The following GSE1 variants were observed in gnomAD, a reference collection of about 807,000 sequenced individuals.
GSE1 encodes the protein genetic suppressor element 1.
In GSE1, 32 loss-of-function variants were observed where a neutral mutation model predicts 112.6. That is an observed-to-expected ratio of 0.28 (90% CI 0.21 to 0.38). The LOEUF is 0.38. GSE1 is among the 10% of genes least tolerant of loss of function. The probability of loss-of-function intolerance (pLI) is 1.00; values close to 1 mark genes in which losing one functional copy is unlikely to be tolerated. For synonymous variants in GSE1, 1,115 were observed against 735.6 expected (o/e 1.52, Z -8.35); for missense variants, 2,348 against 1,699.2 (o/e 1.38, Z -6.71).
At chr16:85,334,284 T>A (rs1312665086) in intron 1 of GSE1, among the ~76,000 whole-genome samples, 1 of 152,244 alleles carries the variant, frequency 6.6e-6, no homozygotes, top group Non-Finnish European at 1.5e-5. Context: ...CTGGTGGCCC[T>A]GGGCCTCACT....
intron 2 of GSE1, among the ~76,000 whole-genome samples, chr16:85,386,502 A>G (rs550827724): frequency 1.3e-5 from 2 of 152,320 alleles, no homozygotes; most frequent in Admixed American, 6.5e-5. Flanking sequence ...TTGGGCACCT[A>G]CTGCCTCAGA....
At position 85,648,604 on chromosome 16, in the gene GSE1, C is replaced by T; in HGVS notation, c.279C>T (p.His93=). The T allele has an allele frequency of 6.2e-7, 1 of 1,605,816 alleles. No individual in the cohort carries two copies. The highest frequency in any genetic ancestry group is 8.5e-7 in the Non-Finnish European group (1 of 1,176,084). The change falls in exon 3 of 16, where the codon CAC becomes CAT. Residue 93 remains histidine (H), a synonymous_variant. Transcript: ENST00000253458. The stretch of plus-strand genomic sequence containing the variant: ...CCGTGTCCTCTCCGGCCACCAACCA[C>T]AGCTCCCCCGCCAGCACACCCAAGC... ...SSPVSSPATN[H]SSPASTPKRV...
intron 2 of GSE1, among the ~76,000 whole-genome samples, chr16:85,536,413 C>G (rs1420338289): frequency 6.6e-6 from 1 of 152,222 alleles, no homozygotes; most frequent in Non-Finnish European, 1.5e-5. Context: ...CAAGCAGCCT[C>G]TAGTTCCCAG....
rs115809371 is a variant in GSE1 at position 85,491,538 on chromosome 16, G to A, written c.2464+133895G>A. On this transcript the variant is annotated intron_variant, in intron 2 of 2. Transcript: ENST00000637419. ...GCTCAGAAGCTGCCCTCTGGCAGGG[G>A]TGCTGGGGCGCAGGGAGGCCTGGCC... is the stretch of plus-strand genomic sequence containing the variant. Among the ~76,000 whole-genome samples, 459 of 152,334 alleles carry A rather than the reference G, an allele frequency of 3.0e-3. 1 individual carries two copies. The highest frequency in any genetic ancestry group is 0.011 in the African/African-American group (439 of 41,578).
chr16:85,381,144 T>C (rs1469509594), intron 2 of GSE1, among the ~76,000 whole-genome samples: 2 of 152,158 alleles, frequency 1.3e-5, no homozygotes, highest in East Asian at 1.9e-4. Context: ...CAACCATCGA[T>C]CTACTTTCTG....
chr16:85,260,530 C>T (rs941004526), intron 1 of GSE1, among the ~76,000 whole-genome samples: 2 of 151,984 alleles, frequency 1.3e-5, no homozygotes, highest in East Asian at 1.9e-4. Flanking sequence ...ACTATGTTGG[C>T]CAGGCTAGTC....
In GSE1 at chr16:85,581,284, C is replaced by T. The variant is rs985713300; in HGVS notation, c.37+24921C>T. Among the ~76,000 whole-genome samples the T allele has an allele frequency of 2.0e-5, 3 of 152,162 alleles. No individual in the cohort carries two copies. In the East Asian group the frequency reaches 5.8e-4, roughly 29 times the overall value. On this transcript the variant is annotated intron_variant, in intron 1 of 2. Transcript: ENST00000635906. ...CTGCCCCATGCCCCCTGCCCCTTAC[C>T]CACCACCCAGGAAATGAGGAAGGTT...
chr16:85,463,037 C>T (rs973653508), intron 2 of GSE1: 30 of 951,008 alleles, frequency 3.2e-5, no homozygotes, highest in Non-Finnish European at 3.6e-5. Flanking sequence ...TGCTGGGCAG[C>T]CCCTCCTAGA....
At chr16:85,636,362 G>A (rs1395968013) in intron 2 of GSE1, among the ~76,000 whole-genome samples, 2 of 152,188 alleles carry the variant, frequency 1.3e-5, no homozygotes, top group African/African-American at 4.8e-5. Flanking sequence ...TTTGGGTCCT[G>A]GAACGCCCTC....
intron 2 of GSE1, among the ~76,000 whole-genome samples, chr16:85,424,153 T>C (rs1567475246): frequency 6.6e-6 from 1 of 152,250 alleles, no homozygotes; most frequent in African/African-American, 2.4e-5. Flanking sequence ...CTTGTCCTCC[T>C]AATAATGACA....
chr16:85,654,931 C>T lies in GSE1; in HGVS notation c.737C>T (p.Ala246Val), dbSNP rs746417869. Residue 246 changes from alanine (A) to valine (V), a missense_variant, in exon 5 of 16, where the codon GCT becomes GTT. By Grantham distance (64) the Ala-to-Val change is moderately conservative (BLOSUM62 0). Coordinates refer to ENST00000253458, the MANE Select transcript of GSE1 (RefSeq NM_014615.5). ...LPPLGLDPAT[A>V]AAYYHPSYLA... ...CCCCTCGGCCTGGACCCGGCCACTG[C>T]TGCAGCCTACTACCACCCCAGCTAC... 1.2e-6 allele frequency: 2 copies of T among 1,611,080 alleles called. No homozygotes were observed. The highest frequency in any genetic ancestry group is 1.7e-5 in the Admixed American group (1 of 59,974).
intron 1 of GSE1, among the ~76,000 whole-genome samples, chr16:85,299,560 A>G (rs1382846578): frequency 6.6e-6 from 1 of 152,258 alleles, no homozygotes; most frequent in Non-Finnish European, 1.5e-5. Flanking sequence ...ATTCAAGCCC[A>G]GCATGTCACA....
At chr16:85,459,233 C>T (rs191503975) in intron 2 of GSE1, among the ~76,000 whole-genome samples, 13 of 152,368 alleles carry the variant, frequency 8.5e-5, no homozygotes, top group Non-Finnish European at 1.6e-4. Flanking sequence ...CCCAGGCACC[C>T]TCTGTGTCTC....
chr16:85,648,453 A>G, intron 2 of GSE1, 99 bp from the exon 3 acceptor site: 1 of 642,866 alleles, frequency 1.6e-6, no homozygotes, highest in Non-Finnish European at 2.7e-6. Flanking sequence ...CTGGGGCCTC[A>G]CTTGGAGCAG....
chr16:85,342,069 C>T (rs112485629), intron 1 of GSE1, among the ~76,000 whole-genome samples: 2,722 of 152,062 alleles, frequency 0.018, 69 homozygotes, highest in African/African-American at 0.062. Flanking sequence ...CTGCAGGGCC[C>T]GGTGGCCAGC....
intron 2 of GSE1, among the ~76,000 whole-genome samples, chr16:85,368,010 C>T (rs538914580): frequency 5.9e-5 from 9 of 151,928 alleles, no homozygotes; most frequent in Non-Finnish European, 7.4e-5. Flanking sequence ...CCACCAAGCC[C>T]GGCTAATTGT....
intron 2 of GSE1, among the ~76,000 whole-genome samples, chr16:85,643,192 C>T (rs58808946): frequency 0.057 from 8,717 of 152,284 alleles, 891 homozygotes; most frequent in African/African-American, 0.2. Context: ...GACGCGGACA[C>T]GGGCTGCCTC....
chr16:85,481,276 T>C (rs1180681114), intron 2 of GSE1, among the ~76,000 whole-genome samples: 4 of 152,190 alleles, frequency 2.6e-5, no homozygotes, highest in African/African-American at 9.7e-5. Context: ...TTTTGAAAAA[T>C]TTCCTGAGAT....
Position 85,346,606 on chromosome 16 carries a change from TGATGGATG to T in GSE1, c.2284-10840_2284-10833del, listed in dbSNP as rs56147441. 9.3e-3 allele frequency among the ~76,000 whole-genome samples: 1,332 copies of T among 143,406 alleles called. 22 individuals are homozygous for T. Among genetic ancestry groups the T allele is most frequent in the African/African-American group, 0.032 (1,222 of 38,580 alleles). The allele number at this position is 143,406 out of a possible 152,430, so 94.1% of individuals were successfully genotyped here. Reference sequence around the variant, plus strand: ...GAGTGATGGTGGGCAGATGGGTGGATGATGGATGGATGGATGGATGGATGATGGACAGG... The same window carrying T: ...GAGTGATGGTGGGCAGATGGGTGGATGATGGATGGATGGATGATGGACAGG... On this transcript the variant is annotated intron_variant, in intron 1 of 2. Transcript: ENST00000637419.
Sources: allele counts gnomAD v4.1 joint callset (sites outside exome capture counted in the v4.1 genomes callset), GRCh38; gene constraint gnomAD v4.1.1; transcripts MANE v1.5; gene names NCBI Gene and HGNC (gene_info 2026-07-23, HGNC 2026-07-21).